ROBO1: variants seen among roughly 807,000 people sequenced by gnomAD.
ROBO1 encodes the protein roundabout guidance receptor 1.
ROBO1 carries 149 observed loss-of-function variants against 195.9 expected under a neutral mutation model. That is an observed-to-expected ratio of 0.76 (90% CI 0.67 to 0.87). The LOEUF (loss-of-function observed/expected upper bound fraction) is 0.87. ROBO1 is among the 40% of genes least tolerant of loss of function. The pLI is 0.00. For synonymous variants in ROBO1, 816 were observed against 733.2 expected, an observed-to-expected ratio of 1.11 and a Z score of -1.82; for missense variants, 1,933 against 2,068.3, an observed-to-expected ratio of 0.93 and a Z score of 1.27.
intron 2 of ROBO1, among the ~76,000 whole-genome samples, chr3:79,542,042 T>C (rs2107644451): frequency 6.6e-6 from 1 of 151,990 alleles, no homozygotes; most frequent in African/African-American, 2.4e-5. Flanking sequence ...ATCAACTAGG[T>C]CATCAACTCT....
intron 1 of ROBO1, among the ~76,000 whole-genome samples, chr3:79,609,138 G>C (rs1944578457): frequency 6.6e-6 from 1 of 151,804 alleles, no homozygotes; most frequent in Admixed American, 6.6e-5. Flanking sequence ...CTATAAATTA[G>C]AGTCTCAGAT....
chr3:79,115,434 G>A (rs1224513751), intron 3 of ROBO1, among the ~76,000 whole-genome samples: 3 of 151,952 alleles, frequency 2.0e-5, no homozygotes, highest in Admixed American at 6.6e-5. Context: ...TATTTAGCAC[G>A]GTAAACAATC....
intron 1 of ROBO1, among the ~76,000 whole-genome samples, chr3:79,610,948 T>G (rs776533650): frequency 2.0e-5 from 3 of 152,132 alleles, no homozygotes; most frequent in Non-Finnish European, 4.4e-5. Flanking sequence ...AGAATTAGTT[T>G]CTTCATATGG....
At chr3:79,175,714 C>A (rs2081252606) in intron 2 of ROBO1, among the ~76,000 whole-genome samples, 1 of 152,148 alleles carries the variant, frequency 6.6e-6, no homozygotes, top group African/African-American at 2.4e-5. Flanking sequence ...ACACACACTT[C>A]ATATTTGGCC....
intron 2 of ROBO1, among the ~76,000 whole-genome samples, chr3:79,340,040 C>T (rs2034843059): frequency 6.6e-6 from 1 of 152,174 alleles, no homozygotes; most frequent in Non-Finnish European, 1.5e-5. Flanking sequence ...TGGCCCCACC[C>T]ACTTGGCAGG....
At chr3:79,124,085 C>A (rs1217910017) in intron 3 of ROBO1, among the ~76,000 whole-genome samples, 1 of 151,996 alleles carries the variant, frequency 6.6e-6, no homozygotes, top group Non-Finnish European at 1.5e-5. Context: ...AAGAATACTA[C>A]CTTGGATTCC....
chr3:78,686,323 G>A (rs946210866), intron 9 of ROBO1, among the ~76,000 whole-genome samples: 1 of 152,046 alleles, frequency 6.6e-6, no homozygotes, highest in Admixed American at 6.6e-5. Flanking sequence ...TTGGGAGGCC[G>A]AGGCAGGCGG....
chr3:79,487,183 A>AGTTAAAAAACTTGTTTTTTAACAAAACGT (rs142897921), intron 2 of ROBO1, among the ~76,000 whole-genome samples: 10 of 149,974 alleles, frequency 6.7e-5, no homozygotes, highest in Non-Finnish European at 1.2e-4. Context: ...ATGTATAAGA[A>AGTTAAAAAACTTGTTTTTTAACAAAACGT]GTTAAAAAAC....
chr3:78,913,925 C>G (rs767105005), intron 4 of ROBO1, among the ~76,000 whole-genome samples: 6 of 152,158 alleles, frequency 3.9e-5, no homozygotes, highest in Admixed American at 1.3e-4. Flanking sequence ...GAAAACTTCA[C>G]GGCCCCAGGC....
intron 5 of ROBO1, 57 bp downstream of exon 5, chr3:78,746,686 T>TA: frequency 7.7e-7 from 1 of 1,305,006 alleles, no homozygotes; most frequent in Non-Finnish European, 9.9e-7. Context: ...TTTTCTTTGG[T>TA]AAAGATACAC....
At chr3:79,283,700 C>A (rs202046282) in intron 2 of ROBO1, among the ~76,000 whole-genome samples, 1 of 141,342 alleles carries the variant, frequency 7.1e-6, no homozygotes, top group Non-Finnish European at 1.5e-5. Context: ...TCCATGAATT[C>A]TTTTTTTTTT....
intron 2 of ROBO1, among the ~76,000 whole-genome samples, chr3:79,495,099 T>G (rs2107469818): frequency 6.6e-6 from 1 of 152,306 alleles, no homozygotes; most frequent in South Asian, 2.1e-4. Flanking sequence ...GCCAGATTTT[T>G]AAAAGCATGA....
At chr3:79,754,787 G>A (rs1024614552) in intron 1 of ROBO1, among the ~76,000 whole-genome samples, 1 of 152,106 alleles carries the variant, frequency 6.6e-6, no homozygotes, top group East Asian at 1.9e-4. Context: ...TAGCTAAGAC[G>A]ATGGCTCTGG....
intron 3 of ROBO1, among the ~76,000 whole-genome samples, chr3:78,951,723 G>A (rs985360275): frequency 1.3e-5 from 2 of 152,042 alleles, no homozygotes; most frequent in Non-Finnish European, 2.9e-5. Context: ...ATAAACATGA[G>A]TGACTGAAAT....
intron 3 of ROBO1, among the ~76,000 whole-genome samples, chr3:79,072,828 T>A (rs929130361): frequency 6.6e-6 from 1 of 151,960 alleles, no homozygotes; most frequent in Non-Finnish European, 1.5e-5. Flanking sequence ...AAAACAGAGT[T>A]ATTATAGAAA....
chr3:79,255,303 T>A (rs1399589533), intron 2 of ROBO1, among the ~76,000 whole-genome samples: 1 of 152,082 alleles, frequency 6.6e-6, no homozygotes. Context: ...TGAAATGAGC[T>A]CTTATTGTGC....
intron 2 of ROBO1, among the ~76,000 whole-genome samples, chr3:79,147,425 A>C (rs181787574): frequency 6.6e-6 from 1 of 152,092 alleles, no homozygotes; most frequent in East Asian, 1.9e-4. Context: ...GAGATCAAAG[A>C]GGCCAAAAAT....
chr3:79,208,001 TA>T (rs915339859), intron 2 of ROBO1, among the ~76,000 whole-genome samples: 1 of 152,140 alleles, frequency 6.6e-6, no homozygotes, highest in Non-Finnish European at 1.5e-5. Context: ...AGAAATTCTC[TA>T]AAAAAAGTTT....
rs910809528 is a variant in ROBO1, at chr3:79,362,829, T to G, written c.88+226995A>C. Among the ~76,000 whole-genome samples, 9 of 152,236 alleles carry G rather than the reference T, an allele frequency of 5.9e-5. No homozygotes were observed. In the South Asian group the frequency reaches 1.0e-3, roughly 18 times the overall value. On this transcript the variant is annotated intron_variant, in intron 2 of 30. Coordinates refer to ENST00000464233, the MANE Select transcript of ROBO1 (RefSeq NM_002941.4). ...TCTGTAGGAGCTTTTTCTGACCTAT[T>G]CCAGGGACTCTGCCAACTCAAATGC...
Sources: gnomAD v4.1 joint callset for allele counts (sites outside exome capture counted in the v4.1 genomes callset) on GRCh38, gnomAD v4.1.1 for gene constraint, MANE v1.5 for transcripts, NCBI Gene and HGNC (gene_info 2026-07-23, HGNC 2026-07-21) for gene names.